The following GALNT13 variants were observed in gnomAD, a reference collection of about 807,000 sequenced individuals.
GALNT13 encodes polypeptide N-acetylgalactosaminyltransferase 13.
A neutral mutation model predicts 64.2 loss-of-function variants in GALNT13; 28 were observed. The observed-to-expected ratio is 0.44, with a 90% CI of 0.32 to 0.60. The LOEUF (loss-of-function observed/expected upper bound fraction) is 0.60. GALNT13 is among the 20% of genes least tolerant of loss of function. GALNT13 has a pLI of 0.05. For synonymous variants in GALNT13, 214 were observed against 224.6 expected, an observed-to-expected ratio of 0.95 and a Z score of 0.42; for missense variants, 577 against 669.8, an observed-to-expected ratio of 0.86 and a Z score of 1.53.
At chr2:153,595,652 G>A in the GALNT13 span, among the ~76,000 whole-genome samples, 2 of 151,910 alleles carry the variant, frequency 1.3e-5, no homozygotes, top group Non-Finnish European at 2.9e-5. Flanking sequence ...ATTACAAAAT[G>A]AGCTAGATGC....
the GALNT13 span, among the ~76,000 whole-genome samples, chr2:153,239,486 T>C: frequency 6.6e-6 from 1 of 152,158 alleles, no homozygotes; most frequent in African/African-American, 2.4e-5. Context: ...TGGCTTTTAT[T>C]GCGTGGAGGT....
At chr2:154,366,657 G>A (rs946889127) in intron 9 of GALNT13, among the ~76,000 whole-genome samples, 8 of 152,304 alleles carry the variant, frequency 5.3e-5, no homozygotes, top group African/African-American at 1.7e-4. Context: ...ATTCTCAGAT[G>A]AGAACTAAGG....
At chr2:153,215,904 G>A in the GALNT13 span, among the ~76,000 whole-genome samples, 1 of 151,556 alleles carries the variant, frequency 6.6e-6, no homozygotes, top group Non-Finnish European at 1.5e-5. Flanking sequence ...AAATGCTTAG[G>A]GTCCTGTATT....
chr2:153,282,172 T>C, the GALNT13 span, among the ~76,000 whole-genome samples: 1 of 152,170 alleles, frequency 6.6e-6, no homozygotes, highest in Non-Finnish European at 1.5e-5. Context: ...GTTCAGTCTA[T>C]TGATAAAGGT....
the GALNT13 span, among the ~76,000 whole-genome samples, chr2:153,852,990 C>T: frequency 2.0e-5 from 3 of 152,148 alleles, no homozygotes; most frequent in East Asian, 5.8e-4. Context: ...AGTGTGAGTC[C>T]CATAACCTCA....
intron 3 of GALNT13, among the ~76,000 whole-genome samples, chr2:153,964,402 T>A (rs1220986556): frequency 1.3e-5 from 2 of 152,266 alleles, no homozygotes; most frequent in East Asian, 3.9e-4. Context: ...TGAGCCAAGA[T>A]CATGCAACTG....
chr2:154,192,999 A>G (rs2105760488), intron 4 of GALNT13, among the ~76,000 whole-genome samples: 1 of 152,304 alleles, frequency 6.6e-6, no homozygotes, highest in East Asian at 1.9e-4. Context: ...GAAAAAAATA[A>G]TTAGAATAGT....
At chr2:153,803,030 G>A in the GALNT13 span, among the ~76,000 whole-genome samples, 1 of 152,144 alleles carries the variant, frequency 6.6e-6, no homozygotes, top group African/African-American at 2.4e-5. Context: ...ACACAAATTA[G>A]ATTTAATATT....
At chr2:153,301,309 C>CAAAA in the GALNT13 span, among the ~76,000 whole-genome samples, 2 of 76,432 alleles carry the variant, frequency 2.6e-5, no homozygotes, top group Non-Finnish European at 2.5e-5. Flanking sequence ...GACTCCTTCT[C>CAAAA]AAAAAAAAAG....
chr2:153,630,864 A>C, the GALNT13 span, among the ~76,000 whole-genome samples: 2 of 122,756 alleles, frequency 1.6e-5, no homozygotes, highest in Non-Finnish European at 3.3e-5. Context: ...CACAACGTGC[A>C]GTTTGTTACA....
At chr2:154,094,373 T>C (rs1701971295) in intron 3 of GALNT13, among the ~76,000 whole-genome samples, 1 of 151,964 alleles carries the variant, frequency 6.6e-6, no homozygotes, top group Middle Eastern at 3.2e-3. Context: ...CAACATATAT[T>C]CTCGTCTATC....
chr2:153,232,802 A>G, the GALNT13 span, among the ~76,000 whole-genome samples: 60 of 152,342 alleles, frequency 3.9e-4, no homozygotes, highest in African/African-American at 1.4e-3. Context: ...GAGGAGGCTC[A>G]TTCTGAACCA....
intron 1 of GALNT13, among the ~76,000 whole-genome samples, chr2:153,875,423 C>CGA (rs1558828633): frequency 6.6e-6 from 1 of 152,016 alleles, no homozygotes; most frequent in Non-Finnish European, 1.5e-5. Context: ...GTTTGAGAGA[C>CGA]CTTCTATTTG....
At chr2:153,849,324 T>C in the GALNT13 span, among the ~76,000 whole-genome samples, 1 of 152,190 alleles carries the variant, frequency 6.6e-6, no homozygotes, top group Non-Finnish European at 1.5e-5. Context: ...AAATACCTAG[T>C]TTTCCCTTAG....
At chr2:154,105,152 G>A (rs556507327) in intron 3 of GALNT13, among the ~76,000 whole-genome samples, 5 of 151,918 alleles carry the variant, frequency 3.3e-5, no homozygotes, top group Non-Finnish European at 5.9e-5. Context: ...GATGCTTCTT[G>A]TGGGTTTTCC....
the GALNT13 span, among the ~76,000 whole-genome samples, chr2:153,352,400 T>C: frequency 6.6e-6 from 1 of 152,292 alleles, no homozygotes; most frequent in East Asian, 1.9e-4. Context: ...TCTTCCAGTT[T>C]GCCTCTTTTT....
chr2:153,476,432 T>C, the GALNT13 span, among the ~76,000 whole-genome samples: 1 of 152,258 alleles, frequency 6.6e-6, no homozygotes, highest in African/African-American at 2.4e-5. Context: ...TAGGATCCTG[T>C]CTCAGGCATA....
chr2:153,070,234 T>C, the GALNT13 span, among the ~76,000 whole-genome samples: 1 of 152,168 alleles, frequency 6.6e-6, no homozygotes, highest in African/African-American at 2.4e-5. Context: ...TACTATAAGA[T>C]TCCAGCCATA....
chr2:154,393,147 A>G (rs1466496589), intron 9 of GALNT13, among the ~76,000 whole-genome samples: 2 of 152,198 alleles, frequency 1.3e-5, no homozygotes, highest in African/African-American at 4.8e-5. Flanking sequence ...TGGATAACCT[A>G]CTTTGAAGAG....
Sources: gnomAD v4.1 joint callset for allele counts (sites outside exome capture counted in the v4.1 genomes callset) on GRCh38, gnomAD v4.1.1 for gene constraint, MANE v1.5 for transcripts, NCBI Gene and HGNC (gene_info 2026-07-23, HGNC 2026-07-21) for gene names.